Variants in PARPBP observed in about 807,000 individuals in gnomAD.
PARPBP encodes PARP1 binding protein, also known as PCNA-interacting partner.
PARPBP carries 52 observed loss-of-function variants against 50.0 expected under a neutral mutation model. That is an observed-to-expected ratio of 1.04 (90% confidence interval 0.83 to 1.31). PARPBP has a LOEUF of 1.31. PARPBP is among the 50% of genes most tolerant of loss of function. The pLI is 0.00. For synonymous variants in PARPBP, 244 were observed against 232.1 expected, an observed-to-expected ratio of 1.05 and a Z score of -0.47; for missense variants, 697 against 672.0, an observed-to-expected ratio of 1.04 and a Z score of -0.41.
chr12:102,123,711 C>T (rs186866818), intron 1 of PARPBP, among the ~76,000 whole-genome samples, 175 bp from the exon 2 acceptor site: 20 of 152,052 alleles, frequency 1.3e-4, no homozygotes, highest in South Asian at 4.2e-4. Flanking sequence ...AATATGATTG[C>T]GCAGAAATTG....
intron 4 of PARPBP, among the ~76,000 whole-genome samples, chr12:102,156,417 C>G (rs1031946126): frequency 2.0e-5 from 3 of 151,270 alleles, no homozygotes; most frequent in African/African-American, 7.3e-5. Context: ...TGGTCTCAAT[C>G]TCCTGACCTC....
rs1891405225 is a variant in PARPBP, at chr12:102,197,350, T to C, written c.*1059T>C. On this transcript the variant is annotated 3_prime_UTR_variant, in exon 11 of 11. Transcript: ENST00000327680. ...ACACTTTCAGATAAGAGGTGTTTGC[T>C]GGGATGGAAGAACTACCTGGCATGT... 4.9e-6 allele frequency: 4 copies of C among 809,888 alleles called. No homozygotes were observed. Among genetic ancestry groups the C allele is most frequent in the Non-Finnish European group, 5.7e-6 (3 of 522,696 alleles). 50.2% of individuals were successfully genotyped at this position (809,888 alleles called of 1,614,324 possible). A position where few individuals can be genotyped will look rare whatever the true frequency, so the allele number is the denominator to read the frequency against.
chr12:102,176,745 C>T (rs1368907931), intron 7 of PARPBP, among the ~76,000 whole-genome samples: 2 of 152,060 alleles, frequency 1.3e-5, no homozygotes, highest in Non-Finnish European at 2.9e-5. Flanking sequence ...ATCATTCATT[C>T]GTTCATTCAT....
At chr12:102,176,705 A>G (rs1333905441) in intron 7 of PARPBP, among the ~76,000 whole-genome samples, 6 of 152,222 alleles carry the variant, frequency 3.9e-5, no homozygotes, top group Admixed American at 3.9e-4. Context: ...CAGTGTATGA[A>G]GAAAGACTTT....
chr12:102,196,191 T>G lies in PARPBP; in HGVS notation c.1640T>G (p.Leu547Trp), dbSNP rs1234175621. ...PKKSNDSQNR[L>W]YGKLAKVAKS... Reference sequence around the variant, plus strand: ...AAATCAAATGATTCACAGAATAGATTGTACGGCAAACTAGCTAAAGTAGCA... The same window carrying G: ...AAATCAAATGATTCACAGAATAGATGGTACGGCAAACTAGCTAAAGTAGCA... The change falls in exon 11 of 11, where the codon TTG (leucine) becomes TGG (tryptophan). Residue 547 changes from leucine to tryptophan, a missense_variant. Coordinates refer to ENST00000327680, the MANE Select transcript of PARPBP (RefSeq NM_017915.5). 1.7e-5 allele frequency: 27 copies of G among 1,611,862 alleles called. No individual in the cohort carries two copies. The highest frequency in any genetic ancestry group is 2.3e-5 in the Non-Finnish European group (27 of 1,178,616).
intron 9 of PARPBP, among the ~76,000 whole-genome samples, chr12:102,189,960 T>C (rs1003954115): frequency 2.0e-5 from 3 of 152,178 alleles, no homozygotes; most frequent in African/African-American, 7.2e-5. Context: ...CTCTCTTGTT[T>C]CTGTACCAAC....
At chr12:102,151,935 G>A (rs753032278) in intron 3 of PARPBP, 30 of 634,288 alleles carry the variant, frequency 4.7e-5, no homozygotes, top group Non-Finnish European at 6.8e-5. Context: ...GCAAACCTCC[G>A]AAGTCCAGGC....
At position 102,124,083 on chromosome 12, in the gene PARPBP, A is replaced by T. The variant is rs1881580259; in HGVS notation, c.153+42A>T. ...TGGGTTAACTTGTTTTTTTAAAGCA[A>T]AATTTCATTGCTGCCCATTTGAATA... On this transcript the variant is annotated intron_variant, in intron 2 of 10. Coordinates refer to ENST00000327680, the MANE Select transcript of PARPBP (RefSeq NM_017915.5). The T allele has an allele frequency of 3.8e-6, 5 of 1,308,600 alleles. No individual in the cohort carries two copies. In the South Asian group the frequency reaches 5.2e-5, roughly 14 times the overall value. The allele number at this position is 1,308,600 out of a possible 1,614,324, so 81.1% of individuals were successfully genotyped here. A position where few individuals can be genotyped will look rare whatever the true frequency, so the allele number is the denominator to read the frequency against.
intron 2 of PARPBP, among the ~76,000 whole-genome samples, chr12:102,137,966 C>T (rs1011287939): frequency 3.3e-5 from 5 of 152,130 alleles, no homozygotes; most frequent in Non-Finnish European, 5.9e-5. Context: ...AATAAACATA[C>T]GTGTGCGTGT....
At position 102,175,534 on chromosome 12, in the gene PARPBP, C is replaced by T. The variant is rs1186321456; in HGVS notation, c.873C>T (p.Gly291=). ...LSVIKMQLIK[G]QNSRDPFCKA... is the part of the protein sequence containing the mutation. ...TGATAAAGATGCAACTGATTAAAGGCCAAAACAGCAGGGATCCTTTTTGCA... is the reference window on the plus strand; with the variant it reads ...TGATAAAGATGCAACTGATTAAAGGTCAAAACAGCAGGGATCCTTTTTGCA... Residue 291 remains glycine, a synonymous_variant, in exon 7 of 11, where the codon GGC becomes GGT. Coordinates refer to ENST00000327680, the MANE Select transcript of PARPBP (RefSeq NM_017915.5). 1.2e-6 allele frequency: 2 copies of T among 1,613,300 alleles called. No homozygotes were observed. The highest frequency in any genetic ancestry group is 2.2e-5 in the East Asian group (1 of 44,832).
chr12:102,145,546 TGAGA>T (rs1283551991), intron 2 of PARPBP, among the ~76,000 whole-genome samples: 1 of 152,180 alleles, frequency 6.6e-6, no homozygotes, highest in East Asian at 1.9e-4. Context: ...ACTTGTTCAC[TGAGA>T]GAATTTATTA....
intron 4 of PARPBP, among the ~76,000 whole-genome samples, chr12:102,154,384 G>C (rs1046656261): frequency 6.6e-6 from 1 of 152,090 alleles, no homozygotes; most frequent in Admixed American, 6.6e-5. Flanking sequence ...TTGGATGATA[G>C]GGTTTGTCGT....
In PARPBP at chr12:102,178,740, A is replaced by G. The variant is rs775746173; in HGVS notation, c.1154A>G (p.His385Arg). The change falls in exon 8 of 11, where the codon CAT becomes CGT. Residue 385 changes from histidine (H) to arginine (R), a missense_variant. Physicochemically the swap from His to Arg is conservative, Grantham distance 29. Transcript: ENST00000327680. ...LLYDEENTIH[H>R]HGTSILTLFR... ...TATGATGAGGAAAACACAATCCATCATCATGGAACGTCTATTCTTACACTT... is the reference window on the plus strand; with the variant it reads ...TATGATGAGGAAAACACAATCCATCGTCATGGAACGTCTATTCTTACACTT... The G allele has an allele frequency of 6.2e-7, 1 of 1,612,328 alleles. No homozygotes were observed. Among genetic ancestry groups the G allele is most frequent in the South Asian group, 1.1e-5 (1 of 90,734 alleles).
chr12:102,121,876 C>G lies in PARPBP; in HGVS notation c.-4+1590C>G, dbSNP rs180679076. 1.4e-4 allele frequency among the ~76,000 whole-genome samples: 22 copies of G among 152,290 alleles called. No individual in the cohort carries two copies. The East Asian group carries it at 4.2e-3, about 29-fold the overall frequency. On this transcript the variant is annotated intron_variant, in intron 1 of 10. Coordinates refer to ENST00000327680, the MANE Select transcript of PARPBP (RefSeq NM_017915.5). ...TTTAACTCAAAACAACTTAGAAACT[C>G]ATAATGCATGATAATAGCTAATGTG... is the stretch of plus-strand genomic sequence containing the variant.
chr12:102,142,445 C>T (rs1241119104), intron 2 of PARPBP, among the ~76,000 whole-genome samples: 1 of 152,174 alleles, frequency 6.6e-6, no homozygotes, highest in Non-Finnish European at 1.5e-5. Context: ...TCCTTTAGCT[C>T]AGATAAGTTT....
chr12:102,176,274 G>A (rs969125865), intron 7 of PARPBP, among the ~76,000 whole-genome samples: 2 of 152,050 alleles, frequency 1.3e-5, no homozygotes, highest in Non-Finnish European at 2.9e-5. Flanking sequence ...GAGCCACCAC[G>A]CCTGGCCTAA....
intron 2 of PARPBP, among the ~76,000 whole-genome samples, chr12:102,139,334 T>C (rs1183172240): frequency 6.6e-6 from 1 of 152,252 alleles, no homozygotes; most frequent in Non-Finnish European, 1.5e-5. Flanking sequence ...ACATTGATTT[T>C]GTATCCTGAG....
chr12:102,151,511 C>A, intron 3 of PARPBP: 1 of 1,200,900 alleles, frequency 8.3e-7, no homozygotes, highest in Non-Finnish European at 1.2e-6. Context: ...TGAATGGGGT[C>A]CTTTGGGTGG....
chr12:102,121,545 CTTTTTTTTTTTTTTTT>C (rs35855638), intron 1 of PARPBP, among the ~76,000 whole-genome samples: 1 of 87,140 alleles, frequency 1.1e-5, no homozygotes, highest in Admixed American at 1.3e-4. Flanking sequence ...TAGTAATGCT[CTTTTTTTTTTTTTTTT>C]TTTTTTTTTT....
Sources: gnomAD v4.1 joint callset for allele counts (sites outside exome capture counted in the v4.1 genomes callset) on GRCh38, gnomAD v4.1.1 for gene constraint, MANE v1.5 for transcripts, NCBI Gene and HGNC (gene_info 2026-07-23, HGNC 2026-07-21) for gene names.